EDIL3: variants seen among roughly 807,000 people sequenced by gnomAD.
EDIL3 encodes the protein EGF-like repeat and discoidin I-like domain-containing protein 3.
EDIL3 carries 37 observed loss-of-function variants against 67.4 expected under a neutral mutation model. The observed-to-expected ratio is 0.55, with a 90% confidence interval of 0.42 to 0.72. The LOEUF is 0.72. Ranked by LOEUF, EDIL3 falls within the 30% of genes least tolerant of loss-of-function variation. EDIL3 has a pLI of 0.00. For synonymous variants in EDIL3, 195 were observed against 196.3 expected (o/e 0.99, Z 0.05); for missense variants, 527 against 586.3 (o/e 0.90, Z 1.04).
intron 9 of EDIL3, among the ~76,000 whole-genome samples, chr5:84,026,140 T>C (rs1252496394): frequency 6.6e-6 from 1 of 152,206 alleles, no homozygotes; most frequent in East Asian, 1.9e-4. Context: ...CAAGATGATC[T>C]CACTAAAGGA....
chr5:84,056,386 G>C (rs1373926989), intron 9 of EDIL3, among the ~76,000 whole-genome samples: 1 of 151,886 alleles, frequency 6.6e-6, no homozygotes, highest in Non-Finnish European at 1.5e-5. Flanking sequence ...CGAGTTAATG[G>C]GTGCAGCACA....
chr5:84,081,765 A>C (rs569965490), intron 6 of EDIL3, among the ~76,000 whole-genome samples: 17 of 152,340 alleles, frequency 1.1e-4, no homozygotes, highest in African/African-American at 3.6e-4. Context: ...AGAAAAAAAA[A>C]CAGAAAAATA....
chr5:84,321,180 GAAAT>G (rs1424694387), intron 1 of EDIL3, among the ~76,000 whole-genome samples: 1 of 151,702 alleles, frequency 6.6e-6, no homozygotes, highest in African/African-American at 2.4e-5. Context: ...TTTTCTTCTG[GAAAT>G]AAATAATTTA....
intron 5 of EDIL3, among the ~76,000 whole-genome samples, chr5:84,117,569 TTC>T (rs1747693299): frequency 1.1e-5 from 1 of 87,694 alleles, no homozygotes; most frequent in Non-Finnish European, 2.7e-5. Context: ...ACAAATATAC[TTC>T]TTATAAACAT....
In EDIL3 at chr5:83,954,317, C is replaced by T. The variant is rs112031714; in HGVS notation, c.1293+8888G>A. On this transcript the variant is annotated intron_variant, in intron 10 of 10. Coordinates refer to ENST00000296591, the MANE Select transcript of EDIL3 (RefSeq NM_005711.5). Reference sequence around the variant, plus strand: ...TTGGATATTTGTCCCCTCCAAATCTCATGTCAAAATGCGATCCTCAATGTT... The same window carrying T: ...TTGGATATTTGTCCCCTCCAAATCTTATGTCAAAATGCGATCCTCAATGTT... Among the ~76,000 whole-genome samples the T allele has an allele frequency of 3.3e-3, 504 of 151,786 alleles. 3 individuals carry two copies. Among genetic ancestry groups the T allele is most frequent in the African/African-American group, 0.012 (486 of 41,450 alleles).
chr5:84,085,121 C>T (rs1317356849), intron 6 of EDIL3, among the ~76,000 whole-genome samples: 2 of 152,254 alleles, frequency 1.3e-5, no homozygotes, highest in African/African-American at 2.4e-5. Context: ...TGGGTTAGAA[C>T]ATGCTCCTTT....
chr5:84,096,036 A>T (rs1747256682), intron 6 of EDIL3, among the ~76,000 whole-genome samples: 1 of 152,198 alleles, frequency 6.6e-6, no homozygotes. Context: ...TTTGGGAAAC[A>T]CTGCCTAGAT....
intron 3 of EDIL3, among the ~76,000 whole-genome samples, chr5:84,228,744 T>G (rs1186933702): frequency 2.6e-5 from 4 of 152,176 alleles, no homozygotes; most frequent in Non-Finnish European, 5.9e-5. Context: ...ACTTTGATCT[T>G]TTGAATTTAC....
At chr5:84,223,165 T>C (rs1352167196) in intron 3 of EDIL3, among the ~76,000 whole-genome samples, 3 of 151,678 alleles carry the variant, frequency 2.0e-5, no homozygotes, top group Non-Finnish European at 4.4e-5. Flanking sequence ...TAAGACAAGG[T>C]CCAGGGAATC....
At chr5:84,334,295 C>G (rs1222252257) in intron 1 of EDIL3, among the ~76,000 whole-genome samples, 2 of 151,988 alleles carry the variant, frequency 1.3e-5, no homozygotes, top group East Asian at 3.9e-4. Flanking sequence ...GACTCCTGAC[C>G]TCAGGTGATC....
At chr5:84,080,976 C>T (rs958271576) in intron 6 of EDIL3, among the ~76,000 whole-genome samples, 8 of 152,280 alleles carry the variant, frequency 5.3e-5, no homozygotes, top group Non-Finnish European at 1.0e-4. Flanking sequence ...TAATTGTCCT[C>T]TTTGAATAAC....
intron 4 of EDIL3, among the ~76,000 whole-genome samples, chr5:84,137,715 G>A (rs1182927773): frequency 6.6e-6 from 1 of 152,204 alleles, no homozygotes; most frequent in East Asian, 1.9e-4. Context: ...ACAAGATCGA[G>A]AAACCTCCCC....
chr5:83,982,657 G>A (rs1459348497), intron 9 of EDIL3, among the ~76,000 whole-genome samples: 4 of 152,070 alleles, frequency 2.6e-5, no homozygotes, highest in Non-Finnish European at 5.9e-5. Context: ...GTAATTTCGT[G>A]TATAATAATA....
At chr5:84,247,306 C>T (rs933237935) in intron 2 of EDIL3, among the ~76,000 whole-genome samples, 1 of 152,014 alleles carries the variant, frequency 6.6e-6, no homozygotes, top group Non-Finnish European at 1.5e-5. Flanking sequence ...ACCAAAGTCT[C>T]GAAATCTAAA....
At chr5:84,382,912 T>C (rs1029945749) in intron 1 of EDIL3, among the ~76,000 whole-genome samples, 1 of 152,142 alleles carries the variant, frequency 6.6e-6, no homozygotes, top group Non-Finnish European at 1.5e-5. Context: ...GGCGCGGCCA[T>C]GGATCTCTAC....
At chr5:84,069,781 A>C (rs1055787980) in intron 6 of EDIL3, among the ~76,000 whole-genome samples, 3 of 152,048 alleles carry the variant, frequency 2.0e-5, no homozygotes, top group Non-Finnish European at 4.4e-5. Flanking sequence ...GACAAACACT[A>C]GTGTTTTCAT....
At chr5:84,345,735 A>T (rs547335694) in intron 1 of EDIL3, among the ~76,000 whole-genome samples, 181 of 152,326 alleles carry the variant, frequency 1.2e-3, no homozygotes, top group African/African-American at 4.2e-3. Flanking sequence ...TTGTTTTTTT[A>T]AAAGGTCTAG....
At chr5:84,105,653 T>C (rs1747446729) in intron 6 of EDIL3, among the ~76,000 whole-genome samples, 1 of 152,042 alleles carries the variant, frequency 6.6e-6, no homozygotes, top group African/African-American at 2.4e-5. Context: ...GAAATAAGGC[T>C]AATACCTTTT....
chr5:84,208,603 C>T (rs778281183), intron 3 of EDIL3, among the ~76,000 whole-genome samples: 18 of 146,160 alleles, frequency 1.2e-4, no homozygotes, highest in Non-Finnish European at 2.5e-4. Flanking sequence ...GGCGTGAACC[C>T]GGGAAGCGGA....
Sources: gnomAD v4.1 joint callset for allele counts (sites outside exome capture counted in the v4.1 genomes callset) on GRCh38, gnomAD v4.1.1 for gene constraint, MANE v1.5 for transcripts, NCBI Gene and HGNC (gene_info 2026-07-23, HGNC 2026-07-21) for gene names.